The following CDIN1 variants were observed in gnomAD, a reference collection of about 807,000 sequenced individuals.
CDIN1 encodes CDAN1-interacting nuclease 1.
CDIN1 carries 33 observed loss-of-function variants against 45.3 expected under a neutral mutation model. The observed-to-expected ratio is 0.73, with a 90% CI of 0.55 to 0.97. CDIN1 has a LOEUF of 0.97. CDIN1 is among the 50% of genes least tolerant of loss of function. The probability of loss-of-function intolerance (pLI) is 0.00; values close to 1 mark genes in which losing one functional copy is unlikely to be tolerated. For synonymous variants in CDIN1, 118 were observed against 124.4 expected (o/e 0.95, Z 0.34); for missense variants, 303 against 339.4 (o/e 0.89, Z 0.84).
intron 1 of CDIN1, among the ~76,000 whole-genome samples, chr15:36,630,624 G>GT (rs1159899169): frequency 6.6e-6 from 1 of 152,152 alleles, no homozygotes; most frequent in Non-Finnish European, 1.5e-5. Context: ...GTCTTAGTCT[G>GT]TTTTTGCTGC....
At chr15:36,664,012 C>T (rs188395925) in intron 5 of CDIN1, among the ~76,000 whole-genome samples, 6 of 152,176 alleles carry the variant, frequency 3.9e-5, no homozygotes, top group East Asian at 3.9e-4. Flanking sequence ...GTCTGAACTA[C>T]GGTTTACAAT....
intron 10 of CDIN1, among the ~76,000 whole-genome samples, chr15:36,789,007 T>C (rs1307075768): frequency 6.6e-6 from 1 of 152,216 alleles, no homozygotes; most frequent in East Asian, 1.9e-4. Context: ...GGAAGAATTG[T>C]TTTGGTCCAC....
intron 1 of CDIN1, among the ~76,000 whole-genome samples, chr15:36,584,271 A>G (rs1453414633): frequency 6.6e-6 from 1 of 151,980 alleles, no homozygotes; most frequent in Middle Eastern, 3.2e-3. Context: ...CTGTCTCTTC[A>G]AAAAAATTTA....
At position 36,685,678 on chromosome 15, in the gene CDIN1, T is replaced by C. The variant is rs539513940; in HGVS notation, c.347-6007T>C. ...CTACTCATCTGACAAAGGGCTAATA[T>C]CCAGAATCTACAGTGAACTCAAACA... On this transcript the variant is annotated intron_variant, in intron 5 of 10. Coordinates refer to ENST00000566621, the MANE Select transcript of CDIN1 (RefSeq NM_001321759.2). 2.8e-4 allele frequency among the ~76,000 whole-genome samples: 42 copies of C among 152,090 alleles called. 1 individual carries two copies. The South Asian group carries it at 8.7e-3, about 32-fold the overall frequency.
intron 10 of CDIN1, among the ~76,000 whole-genome samples, chr15:36,766,942 G>A (rs1160434986): frequency 6.6e-6 from 1 of 152,076 alleles, no homozygotes; most frequent in Admixed American, 6.6e-5. Flanking sequence ...TTAGTTTGAC[G>A]TAGTCTCAAG....
chr15:36,763,068 G>A lies in CDIN1; in HGVS notation c.717-45256G>A, dbSNP rs7181723. 8.6e-3 allele frequency among the ~76,000 whole-genome samples: 1,307 copies of A among 152,254 alleles called. 22 individuals carry two copies. The highest frequency in any genetic ancestry group is 0.03 in the African/African-American group (1,240 of 41,556). ...TTCTAGATCCCTGAGGAATCACCACGCTGACTTCCACAATGGTTGAACCAG... is the reference window on the plus strand; with the variant it reads ...TTCTAGATCCCTGAGGAATCACCACACTGACTTCCACAATGGTTGAACCAG... On this transcript the variant is annotated intron_variant, in intron 10 of 10. Coordinates refer to ENST00000566621, the MANE Select transcript of CDIN1 (RefSeq NM_001321759.2).
intron 8 of CDIN1, 54 bp from the exon 9 acceptor site, chr15:36,709,169 C>T: frequency 7.0e-7 from 1 of 1,429,264 alleles, no homozygotes. Context: ...AAATATATTC[C>T]TATCTTGTTA....
At chr15:36,739,432 A>G (rs1446123073) in intron 10 of CDIN1, among the ~76,000 whole-genome samples, 8 of 152,136 alleles carry the variant, frequency 5.3e-5, no homozygotes, top group Non-Finnish European at 1.2e-4. Flanking sequence ...AAAACAAAAC[A>G]AAACAAAACA....
chr15:36,801,231 A>T (rs181769137), intron 10 of CDIN1, among the ~76,000 whole-genome samples: 9 of 152,068 alleles, frequency 5.9e-5, no homozygotes, highest in Admixed American at 3.3e-4. Context: ...GAAAAGTATT[A>T]GGTCAATTTC....
chr15:36,702,074 G>T lies in CDIN1; in HGVS notation c.544+4684G>T, dbSNP rs984369792. 4.3e-6 allele frequency: 3 copies of T among 702,116 alleles called. No individual in the cohort carries two copies. The African/African-American group carries it at 5.2e-5, about 12-fold the overall frequency. 43.5% of individuals were successfully genotyped at this position (702,116 alleles called of 1,614,324 possible). On this transcript the variant is annotated intron_variant, in intron 8 of 10. Coordinates refer to ENST00000566621, the MANE Select transcript of CDIN1 (RefSeq NM_001321759.2). ...TAGAATACCAAGACTGTGTGTACAC[G>T]CAGATGTCAGTGGCAGAGAGTAAGA...
chr15:36,724,150 A>G (rs1168482382), intron 10 of CDIN1, among the ~76,000 whole-genome samples: 1 of 152,192 alleles, frequency 6.6e-6, no homozygotes, highest in Non-Finnish European at 1.5e-5. Context: ...TGAATAGAAG[A>G]GTGACGTGAT....
At chr15:36,610,441 T>C (rs1433474966) in intron 1 of CDIN1, among the ~76,000 whole-genome samples, 1 of 152,256 alleles carries the variant, frequency 6.6e-6, no homozygotes, top group African/African-American at 2.4e-5. Flanking sequence ...TAGTATATCA[T>C]CTTCTTTGGA....
chr15:36,667,714 C>T (rs529576075), intron 5 of CDIN1, among the ~76,000 whole-genome samples: 11 of 152,120 alleles, frequency 7.2e-5, no homozygotes, highest in African/African-American at 2.2e-4. Context: ...TGAGATGATA[C>T]GAAGTTTTTC....
intron 10 of CDIN1, 33 bp downstream of exon 10, chr15:36,709,994 C>A: frequency 6.8e-7 from 1 of 1,476,632 alleles, no homozygotes; most frequent in Non-Finnish European, 9.3e-7. Context: ...TTAAGATAAA[C>A]GATACTCAGC....
chr15:36,672,697 G>A (rs1282595618), intron 5 of CDIN1, among the ~76,000 whole-genome samples: 1 of 151,736 alleles, frequency 6.6e-6, no homozygotes, highest in East Asian at 1.9e-4. Flanking sequence ...TAGCATCTCA[G>A]ACTACCAAAT....
chr15:36,601,417 C>G (rs1346963040), intron 1 of CDIN1, among the ~76,000 whole-genome samples: 1 of 152,150 alleles, frequency 6.6e-6, no homozygotes, highest in East Asian at 1.9e-4. Context: ...CACCCTTGAC[C>G]ATGTCCAACA....
intron 5 of CDIN1, among the ~76,000 whole-genome samples, chr15:36,678,549 G>C (rs2041732685): frequency 6.6e-6 from 1 of 152,186 alleles, no homozygotes; most frequent in African/African-American, 2.4e-5. Flanking sequence ...TGTTTTAAGT[G>C]GGGAGAGAAC....
At chr15:36,721,373 T>C (rs1164179997) in intron 10 of CDIN1, among the ~76,000 whole-genome samples, 1 of 152,200 alleles carries the variant, frequency 6.6e-6, no homozygotes, top group Non-Finnish European at 1.5e-5. Flanking sequence ...TATTTACATA[T>C]TGCATTTTCA....
At chr15:36,791,388 C>A (rs2141088758) in intron 10 of CDIN1, among the ~76,000 whole-genome samples, 1 of 152,244 alleles carries the variant, frequency 6.6e-6, no homozygotes, top group African/African-American at 2.4e-5. Flanking sequence ...AGGAGATAAA[C>A]ATTAAATGCA....
Sources: gnomAD v4.1 joint callset for allele counts (sites outside exome capture counted in the v4.1 genomes callset) on GRCh38, gnomAD v4.1.1 for gene constraint, MANE v1.5 for transcripts, NCBI Gene and HGNC (gene_info 2026-07-23, HGNC 2026-07-21) for gene names.